The following CDH26 variants were observed in gnomAD, a reference collection of about 807,000 sequenced individuals.
CDH26 encodes the protein cadherin 26, also known as cadherin-like protein 26.
CDH26 carries 83 observed loss-of-function variants against 90.3 expected under a neutral mutation model. The observed-to-expected ratio is 0.92, with a 90% CI of 0.77 to 1.10. The LOEUF (loss-of-function observed/expected upper bound fraction) is 1.10. Among genes scored for constraint, CDH26 ranks in the 50% least tolerant of loss-of-function variants. CDH26 has a pLI of 0.00. For synonymous variants in CDH26, 397 were observed against 396.3 expected (o/e 1.00, Z -0.02); for missense variants, 1,013 against 1,037.6 (o/e 0.98, Z 0.33).
chr20:60,000,235 G>C (rs1359714905), intron 14 of CDH26, among the ~76,000 whole-genome samples: 1 of 152,166 alleles, frequency 6.6e-6, no homozygotes, highest in Non-Finnish European at 1.5e-5. Flanking sequence ...ATGTCATAAG[G>C]GTGTGGAAAC....
intron 4 of CDH26, among the ~76,000 whole-genome samples, chr20:59,978,206 T>C (rs2061349333): frequency 6.6e-6 from 1 of 152,180 alleles, no homozygotes; most frequent in South Asian, 2.1e-4. Flanking sequence ...AACATGTGTG[T>C]GCAGGTTGTC....
In CDH26 at chr20:60,029,944, A is replaced by G. The variant is rs1201773697; in HGVS notation, c.948-1287A>G. 2.6e-5 allele frequency among the ~76,000 whole-genome samples: 4 copies of G among 152,164 alleles called. No homozygotes were observed. The East Asian group carries it at 7.7e-4, about 29-fold the overall frequency. ...AAATAAATGAATAAATGAATAAATA[A>G]ATAAATAATATATAAAAGCAAAGGA... is the stretch of plus-strand genomic sequence containing the variant. On this transcript the variant is annotated intron_variant, in intron 7 of 8. Coordinates refer to the CDH26 transcript ENST00000370991.
intron 17 of CDH26, among the ~76,000 whole-genome samples, chr20:60,010,773 A>C (rs1312382433): frequency 2.0e-5 from 3 of 152,168 alleles, no homozygotes; most frequent in Non-Finnish European, 4.4e-5. Context: ...AAGCCATGGC[A>C]ACCCCAGAGC....
At position 60,006,719 on chromosome 20, in the gene CDH26, CCAG is replaced by C. The variant is rs1323326975; in HGVS notation, c.2228_2230del (p.Pro743_Asp744delinsHis). 1 of 1,613,610 alleles carries C rather than the reference CCAG, an allele frequency of 6.2e-7. No homozygotes were observed. The highest frequency in any genetic ancestry group is 8.5e-7 in the Non-Finnish European group (1 of 1,179,710). The stretch of plus-strand genomic sequence containing the variant: ...TCTACTGGTTTGCTTGCAGGCTTAC[CCAG>C]ATGCCACAATGCACAGACAACTCCT... On this transcript the variant is annotated inframe_deletion, in exon 17 of 18. Transcript: ENST00000348616.
At chr20:60,006,059 C>T (rs2061744998) in intron 16 of CDH26, among the ~76,000 whole-genome samples, 1 of 152,212 alleles carries the variant, frequency 6.6e-6, no homozygotes, top group Non-Finnish European at 1.5e-5. Flanking sequence ...CCTCTTAAAC[C>T]TTCCCTTGGT....
chr20:59,986,616 T>TACACACACACACAC (rs3043440), intron 7 of CDH26, among the ~76,000 whole-genome samples: 1 of 136,770 alleles, frequency 7.3e-6, no homozygotes, highest in East Asian at 2.2e-4. Context: ...TAAATCCCCC[T>TACACACACACACAC]ACACACACAC....
intron 16 of CDH26, among the ~76,000 whole-genome samples, chr20:60,005,488 G>GTAT: frequency 7.3e-6 from 1 of 136,516 alleles, no homozygotes; most frequent in East Asian, 1.9e-4. Flanking sequence ...CTGTATGTAT[G>GTAT]TATGTATGTA....
intron 7 of CDH26, among the ~76,000 whole-genome samples, chr20:60,029,408 GTAGCACCTATAGTCAACAACA>G (rs370852747): frequency 2.8e-5 from 4 of 140,776 alleles, no homozygotes; most frequent in African/African-American, 7.9e-5. Flanking sequence ...AGTCAACAAC[GTAGCACCTATAGTCAACAACA>G]TAGCACCTAT....
intron 6 of CDH26, 39 bp downstream of exon 6, chr20:59,984,844 T>G (rs779918020): frequency 6.3e-7 from 1 of 1,585,378 alleles, no homozygotes; most frequent in Non-Finnish European, 8.6e-7. Context: ...ATGAAATGTG[T>G]GGCCCATCCT....
At chr20:59,967,252 G>A (rs1487620831) in intron 1 of CDH26, among the ~76,000 whole-genome samples, 3 of 152,142 alleles carry the variant, frequency 2.0e-5, no homozygotes, top group Admixed American at 2.0e-4. Context: ...TCAACACTTC[G>A]AAGCAAATAG....
At chr20:60,009,581 T>C (rs2061802713) in intron 17 of CDH26, among the ~76,000 whole-genome samples, 2 of 152,122 alleles carry the variant, frequency 1.3e-5, no homozygotes, top group African/African-American at 4.8e-5. Context: ...GGGAGGCAGC[T>C]TTATTCAATG....
intron 13 of CDH26, 82 bp downstream of exon 13, chr20:59,996,843 G>T (rs2145999409): frequency 1.9e-6 from 3 of 1,556,694 alleles, no homozygotes; most frequent in Non-Finnish European, 2.6e-6. Flanking sequence ...TCCCCCCATT[G>T]TGCCACCTCT....
chr20:60,029,574 C>G (rs909860498), intron 7 of CDH26, among the ~76,000 whole-genome samples: 1 of 152,074 alleles, frequency 6.6e-6, no homozygotes, highest in Non-Finnish European at 1.5e-5. Flanking sequence ...CCTATCAACC[C>G]GTCATCTAGG....
At chr20:59,968,913 A>C (rs1002489042) in intron 1 of CDH26, 54 bp from the exon 2 acceptor site, 2 of 960,238 alleles carry the variant, frequency 2.1e-6, no homozygotes, top group Non-Finnish European at 3.2e-6. Flanking sequence ...GGTGGTTTCC[A>C]TGTGATTCTG....
intron 11 of CDH26, among the ~76,000 whole-genome samples, chr20:59,995,115 C>A (rs551242928): frequency 6.6e-6 from 1 of 152,330 alleles, no homozygotes; most frequent in East Asian, 1.9e-4. Flanking sequence ...GTTTGTAGTT[C>A]TCAGACCTGG....
At chr20:60,011,450 A>C (rs895355728) in intron 17 of CDH26, among the ~76,000 whole-genome samples, 2 of 152,228 alleles carry the variant, frequency 1.3e-5, no homozygotes, top group Non-Finnish European at 2.9e-5. Flanking sequence ...ATATACGATA[A>C]AATGGCCATT....
intron 4 of CDH26, 124 bp from the exon 5 acceptor site, chr20:59,982,799 C>T: frequency 8.9e-7 from 1 of 1,122,644 alleles, no homozygotes; most frequent in Non-Finnish European, 1.3e-6. Context: ...CTGATTCCTG[C>T]CCTCCGGAAC....
intron 16 of CDH26, among the ~76,000 whole-genome samples, chr20:60,005,949 T>C (rs1479029459): frequency 6.6e-6 from 1 of 152,306 alleles, no homozygotes; most frequent in Middle Eastern, 3.4e-3. Flanking sequence ...CCTCCCTGCT[T>C]AGGGCCTGTG....
At chr20:60,006,851 G>C in intron 17 of CDH26, 64 bp downstream of exon 17, 1 of 1,259,564 alleles carries the variant, frequency 7.9e-7, no homozygotes, top group Non-Finnish European at 1.2e-6. Flanking sequence ...TGTGCTCCAG[G>C]CTTGATTTGG....
Sources: gnomAD v4.1 joint callset for allele counts (sites outside exome capture counted in the v4.1 genomes callset) on GRCh38, gnomAD v4.1.1 for gene constraint, MANE v1.5 for transcripts, NCBI Gene and HGNC (gene_info 2026-07-23, HGNC 2026-07-21) for gene names.